Variants in RRBP1 observed in about 807,000 individuals in gnomAD.
RRBP1 encodes ribosome binding protein 1, also known as ribosome-binding protein 1.
In RRBP1, 94 loss-of-function variants were observed where a neutral mutation model predicts 165.2. The ratio of observed to expected loss-of-function variants is 0.57; its 90% CI spans 0.48 to 0.68. The LOEUF (loss-of-function observed/expected upper bound fraction) is 0.68. Ranked by LOEUF, RRBP1 falls within the 30% of genes least tolerant of loss-of-function variation. The pLI is 0.00. For synonymous variants in RRBP1, 680 were observed against 714.5 expected (o/e 0.95, Z 0.77); for missense variants, 1,676 against 1,763.0 (o/e 0.95, Z 0.88).
intron 11 of RRBP1, among the ~76,000 whole-genome samples, chr20:17,627,137 G>C (rs2036039698): frequency 6.6e-6 from 1 of 152,314 alleles, no homozygotes; most frequent in East Asian, 1.9e-4. Context: ...GGAACGATGT[G>C]ATCACGAAGC....
At chr20:17,633,704 TAA>T (rs1444200072) in intron 7 of RRBP1, 91 bp from the exon 8 acceptor site, 1 of 1,357,204 alleles carries the variant, frequency 7.4e-7, no homozygotes, top group Non-Finnish European at 1.0e-6. Context: ...AGCTCTCTTG[TAA>T]GTAAGCAGTT....
rs780584211 is a variant in RRBP1 at position 17,643,021 on chromosome 20, G to T, written c.2019C>A (p.Ile673=). 9.9e-6 allele frequency: 16 copies of T among 1,613,966 alleles called. No individual in the cohort carries two copies. In the South Asian group the frequency reaches 1.5e-4, roughly 16 times the overall value. ...NEGEAQRLIE[I]LSEKAGIIQD... is the part of the protein sequence containing the mutation. ...GAATGATGCCAGCCTTCTCAGACAG[G>T]ATCTCGATGAGCCGCTGGGCCTCGC... is the stretch of plus-strand genomic sequence containing the variant. The change falls in exon 4 of 25, where the codon ATC becomes ATA. Residue 673 remains isoleucine (I), a synonymous_variant. Transcript: ENST00000377813. This position sits in a 1 kb window ranked among gnomAD's most constrained non-coding sequence, Gnocchi z 4.3.
rs1378048844 is a variant in RRBP1 at position 17,659,164 on chromosome 20, C to G, written c.1344G>C (p.Gln448His). ...QGKKAEGAQNQGKKAEGAQNQ... is the reference protein window; with the variant it reads ...QGKKAEGAQNHGKKAEGAQNQ... ...TCTGGGCCCCCTCGGCCTTCTTGCC[C>G]TGGTTCTGGGCCCCCTCGGCCTTCT... Residue 448 changes from glutamine (Q) to histidine (H), a missense_variant, in exon 3 of 25, where the codon CAG becomes CAC. Gln to His is a conservative substitution (Grantham distance 24). Transcript: ENST00000377813. The G allele has an allele frequency of 1.3e-6, 2 of 1,548,586 alleles. No individual in the cohort carries two copies. The highest frequency in any genetic ancestry group is 4.9e-5 in the East Asian group (2 of 40,832).
chr20:17,622,067 A>C (rs954807181), intron 13 of RRBP1, 120 bp from the exon 14 acceptor site: 4 of 725,402 alleles, frequency 5.5e-6, no homozygotes, highest in Non-Finnish European at 9.6e-6. Context: ...TCAGCTCTTC[A>C]GGGAAGCGAC....
intron 2 of RRBP1, among the ~76,000 whole-genome samples, chr20:17,679,555 G>A (rs1257311054): frequency 6.6e-6 from 1 of 152,156 alleles, no homozygotes; most frequent in East Asian, 1.9e-4. Context: ...GAAGAGTCTG[G>A]GGTCCCGACA....
intron 3 of RRBP1, among the ~76,000 whole-genome samples, chr20:17,644,744 A>C (rs2036432618): frequency 6.6e-6 from 1 of 152,196 alleles, no homozygotes; most frequent in Non-Finnish European, 1.5e-5. Context: ...GCCTGACTCG[A>C]GATGTGCTAT....
Position 17,658,682 on chromosome 20 carries a change from T to C in RRBP1, c.1826A>G (p.Asn609Ser). 1 of 1,614,230 alleles carries C rather than the reference T, an allele frequency of 6.2e-7. No individual in the cohort carries two copies. The highest frequency in any genetic ancestry group is 8.5e-7 in the Non-Finnish European group (1 of 1,180,042). The change falls in exon 3 of 25, where the codon AAT becomes AGT. Residue 609 changes from asparagine to serine, a missense_variant. Physicochemically the swap from Asn to Ser is conservative, Grantham distance 46. Around this residue, in one of 5 missense-constraint regions of RRBP1, gnomAD observed 1,184 missense variants for 1,167.1 expected, o/e 1.01. Transcript: ENST00000377813. ...KTESASVQGRNTDVAQSPEAP... is the reference protein window; with the variant it reads ...KTESASVQGRSTDVAQSPEAP... ...CTCTGGGCTCTGGGCCACATCTGTATTTCTGCCCTGGACAGAAGCTGACTC... is the reference window on the plus strand; with the variant it reads ...CTCTGGGCTCTGGGCCACATCTGTACTTCTGCCCTGGACAGAAGCTGACTC...
At chr20:17,655,640 C>T (rs2036632999) in intron 3 of RRBP1, among the ~76,000 whole-genome samples, 1 of 152,234 alleles carries the variant, frequency 6.6e-6, no homozygotes. Flanking sequence ...CACCCACAGA[C>T]CTGGCTGCCA....
chr20:17,662,583 C>T (rs1366005286), intron 2 of RRBP1, among the ~76,000 whole-genome samples: 1 of 152,168 alleles, frequency 6.6e-6, no homozygotes, highest in Non-Finnish European at 1.5e-5. Flanking sequence ...TGACCTCTGG[C>T]CGTGGGCAGT....
rs1449981292 is a variant in RRBP1, at chr20:17,624,599, G to A, written c.3124C>T (p.Leu1042=). ...ACCTTGGCCTGGGTCAGGGAGAGCA[G>A]CTTCTCCTTGCAGGCCTGCTCGGCC... ...ATAEQACKEK[L]LSLTQAKEES... is the part of the protein sequence containing the mutation. Residue 1042 remains leucine, a synonymous_variant, in exon 13 of 25, where the codon CTG becomes TTG. Coordinates refer to ENST00000377813, the MANE Select transcript of RRBP1 (RefSeq NM_001365613.2). 1.3e-6 allele frequency: 2 copies of A among 1,592,886 alleles called. No homozygotes were observed. The highest frequency in any genetic ancestry group is 1.8e-5 in the Admixed American group (1 of 56,644).
chr20:17,673,510 T>C (rs3790306), intron 2 of RRBP1, among the ~76,000 whole-genome samples: 12 of 152,172 alleles, frequency 7.9e-5, no homozygotes, highest in South Asian at 4.1e-4. Context: ...CCGGGTTCAA[T>C]TGATTCTCCT....
Position 17,618,616 on chromosome 20 carries a change from G to GTT in RRBP1, c.3737_3738dup (p.Gln1247AsnfsTer13). 6.2e-7 allele frequency: 1 copy of GTT among 1,614,032 alleles called. No homozygotes were observed. The highest frequency in any genetic ancestry group is 8.5e-7 in the Non-Finnish European group (1 of 1,180,020). ...CCTACCAGGGCAAGCTCATCGCTCT[G>GTT]TTTCTGGGCTTCGCTCTTGGCGGCA... On this transcript the variant is annotated frameshift_variant, in exon 20 of 25. Transcript: ENST00000377813. LOFTEE classifies it high-confidence loss of function.
intron 3 of RRBP1, among the ~76,000 whole-genome samples, chr20:17,647,226 G>A (rs1189200527): frequency 2.0e-5 from 3 of 152,254 alleles, no homozygotes; most frequent in Admixed American, 1.3e-4. Flanking sequence ...GTTATAGGTT[G>A]GGCTGTGGCC....
intron 8 of RRBP1, among the ~76,000 whole-genome samples, chr20:17,631,706 C>A (rs373602262): frequency 1.3e-5 from 2 of 152,234 alleles, no homozygotes; most frequent in Admixed American, 1.3e-4. Context: ...CCCAAGAGGC[C>A]GTCCGGGGAG....
chr20:17,633,568 G>A lies in RRBP1; in HGVS notation c.2502C>T (p.Val834=). Residue 834 remains valine, a synonymous_variant, in exon 8 of 25, where the codon GTC becomes GTT. Coordinates refer to ENST00000377813, the MANE Select transcript of RRBP1 (RefSeq NM_001365613.2). ...LAKLRQELSK[V]SKELVEKSEA... ...CTGACTTCTCCACCAGCTCTTTGCT[G>A]ACCTTGCTGAGCTCCTGCCGAAGCT... is the stretch of plus-strand genomic sequence containing the variant. 4 of 1,614,040 alleles carry A rather than the reference G, an allele frequency of 2.5e-6. No homozygotes were observed. Among genetic ancestry groups the A allele is most frequent in the Non-Finnish European group, 3.4e-6 (4 of 1,180,028 alleles).
chr20:17,652,888 A>G (rs1342350083), intron 3 of RRBP1, among the ~76,000 whole-genome samples: 1 of 152,258 alleles, frequency 6.6e-6, no homozygotes, highest in Non-Finnish European at 1.5e-5. Flanking sequence ...AAAACTCCAC[A>G]TATAAGACGT....
rs981446690 is a variant in RRBP1, at chr20:17,655,398, C to T, written c.1912+3198G>A. On this transcript the variant is annotated intron_variant, in intron 3 of 24. Transcript: ENST00000377813. ...AATTGTACTGTATTTCCTACAGTTA[C>T]GGTTTATCTTGTTATCACTCATTTA... 3.9e-5 allele frequency among the ~76,000 whole-genome samples: 6 copies of T among 152,198 alleles called. No individual in the cohort carries two copies. In the East Asian group the frequency reaches 7.7e-4, roughly 20 times the overall value.
rs575906846 is a variant in RRBP1, at chr20:17,614,260, C to A, written c.4195-40G>T. 10 of 1,605,280 alleles carry A rather than the reference C, an allele frequency of 6.2e-6. No homozygotes were observed. In the East Asian group the frequency reaches 2.0e-4, roughly 32 times the overall value. On this transcript the variant is annotated intron_variant, in intron 24 of 24. Coordinates refer to ENST00000377813, the MANE Select transcript of RRBP1 (RefSeq NM_001365613.2). ...AGGTGGCGTGAGGGGGGCTGGGCCACGAGCCATGGCAGAACCACCTGCCCT... is the reference window on the plus strand; with the variant it reads ...AGGTGGCGTGAGGGGGGCTGGGCCAAGAGCCATGGCAGAACCACCTGCCCT...
At chr20:17,662,242 G>A (rs539475537) in intron 2 of RRBP1, among the ~76,000 whole-genome samples, 19 of 148,970 alleles carry the variant, frequency 1.3e-4, no homozygotes, top group African/African-American at 4.5e-4. Context: ...TAGCCTGGGC[G>A]ACAGAGCGAG....
Sources: gnomAD v4.1 joint callset for allele counts (sites outside exome capture counted in the v4.1 genomes callset) on GRCh38, gnomAD v4.1.1 for gene constraint, gnomAD v4.1.1 regional missense constraint, Gnocchi (gnomAD v3.1) non-coding constraint, MANE v1.5 for transcripts, NCBI Gene and HGNC (gene_info 2026-07-23, HGNC 2026-07-21) for gene names.